ADGRG6: variants seen among roughly 807,000 people sequenced by gnomAD.
ADGRG6 encodes the protein adhesion G protein-coupled receptor G6, also known as G-protein coupled receptor 126.
In ADGRG6, 84 loss-of-function variants were observed where a neutral mutation model predicts 142.4. That is an observed-to-expected ratio of 0.59 (90% CI 0.49 to 0.71). The LOEUF is 0.71. Among genes scored for constraint, ADGRG6 ranks in the 30% least tolerant of loss-of-function variants. ADGRG6 has a pLI of 0.00. For missense variants in ADGRG6, 1,367 were observed against 1,466.6 expected, an observed-to-expected ratio of 0.93 and a Z score of 1.11; for synonymous variants, 521 against 520.5, an observed-to-expected ratio of 1.00 and a Z score of -0.01.
chr6:142,423,781 A>G (rs1582671155), intron 22 of ADGRG6, among the ~76,000 whole-genome samples: 2 of 139,516 alleles, frequency 1.4e-5, no homozygotes, highest in Admixed American at 1.5e-4. Context: ...TTTTCACGAT[A>G]TTGATTCTTC....
rs1777891823 is a variant in ADGRG6, at chr6:142,444,458, A to G, written c.*943A>G. On this transcript the variant is annotated 3_prime_UTR_variant, in exon 25 of 25. Coordinates refer to ENST00000367609, the MANE Select transcript of ADGRG6 (RefSeq NM_198569.3). ...GTTCTGTCCTTGCTTTGGAGACTTT[A>G]AGACATTTCCTAAAGCACAAATAAA... The G allele has an allele frequency of 6.6e-6, 1 of 152,240 alleles. No individual in the cohort carries two copies. Among genetic ancestry groups the G allele is most frequent in the African/African-American group, 2.4e-5 (1 of 41,460 alleles). 9.4% of individuals were successfully genotyped at this position (152,240 alleles called of 1,614,324 possible). A position where few individuals can be genotyped will look rare whatever the true frequency, so the allele number is the denominator to read the frequency against.
chr6:142,432,392 G>T (rs936060378), intron 22 of ADGRG6, among the ~76,000 whole-genome samples: 5 of 152,042 alleles, frequency 3.3e-5, no homozygotes, highest in African/African-American at 4.8e-5. Flanking sequence ...ATTTAAAATA[G>T]AAATGAATCT....
At chr6:142,404,308 C>A in intron 14 of ADGRG6, 2 of 261,034 alleles carry the variant, frequency 7.7e-6, no homozygotes, top group South Asian at 9.2e-5. Context: ...AAGCATGGTG[C>A]ATTCTCTTTG....
intron 4 of ADGRG6, among the ~76,000 whole-genome samples, chr6:142,373,889 T>C (rs1029418014): frequency 2.8e-5 from 4 of 141,620 alleles, no homozygotes; most frequent in African/African-American, 8.0e-5. Flanking sequence ...TTCTTTTTTT[T>C]TTTTTTTTTT....
chr6:142,400,773 G>A lies in ADGRG6; in HGVS notation c.1679+177G>A, dbSNP rs1170624286. The A allele has an allele frequency of 5.7e-6, 3 of 527,188 alleles. No individual in the cohort carries two copies. The Admixed American group carries it at 9.5e-5, about 17-fold the overall frequency. The allele number at this position is 527,188 out of a possible 1,614,324, so 32.7% of individuals were successfully genotyped here. A position where few individuals can be genotyped will look rare whatever the true frequency, so the allele number is the denominator to read the frequency against. ...AAAGATAACATAAGTGGATGACTCA[G>A]AAAGGCAGTGTTTTCCTCCCAGCCA... On this transcript the variant is annotated intron_variant, in intron 11 of 24. Coordinates refer to ENST00000367609, the MANE Select transcript of ADGRG6 (RefSeq NM_198569.3).
At chr6:142,395,092 A>G (rs899966483) in intron 9 of ADGRG6, among the ~76,000 whole-genome samples, 7 of 152,224 alleles carry the variant, frequency 4.6e-5, no homozygotes, top group Middle Eastern at 6.8e-3. Flanking sequence ...TCTTTTCAAC[A>G]CTAGAAAAAC....
intron 2 of ADGRG6, among the ~76,000 whole-genome samples, chr6:142,312,042 C>G (rs1310706107): frequency 1.3e-5 from 2 of 151,982 alleles, no homozygotes; most frequent in Admixed American, 1.3e-4. Context: ...ATTATTACCA[C>G]CTCATGTAAT....
chr6:142,409,458 G>C (rs543390541), intron 16 of ADGRG6, among the ~76,000 whole-genome samples: 1 of 152,156 alleles, frequency 6.6e-6, no homozygotes, highest in African/African-American at 2.4e-5. Context: ...TGTGAATAAT[G>C]CTACTGTGAG....
At chr6:142,358,573 G>A (rs933740827) in intron 2 of ADGRG6, among the ~76,000 whole-genome samples, 2 of 152,194 alleles carry the variant, frequency 1.3e-5, no homozygotes, top group African/African-American at 2.4e-5. Flanking sequence ...TTGTTCACTG[G>A]TAGTTTTGTA....
At chr6:142,372,392 T>C (rs1781300269) in intron 4 of ADGRG6, among the ~76,000 whole-genome samples, 1 of 152,174 alleles carries the variant, frequency 6.6e-6, no homozygotes, top group Non-Finnish European at 1.5e-5. Context: ...GGGAATTTAT[T>C]CCCACGCTTT....
intron 22 of ADGRG6, among the ~76,000 whole-genome samples, chr6:142,430,476 C>G (rs1777155377): frequency 6.6e-6 from 1 of 152,050 alleles, no homozygotes; most frequent in South Asian, 2.1e-4. Flanking sequence ...TTTTGATAAC[C>G]AGAAAGATAT....
rs756405743 is a variant in ADGRG6 at position 142,415,923 on chromosome 6, G to A, written c.2797G>A (p.Val933Ile). The change falls in exon 20 of 25, where the codon GTT becomes ATT. Residue 933 changes from valine (V) to isoleucine (I), a missense_variant. Around this residue, in one of 3 missense-constraint regions of ADGRG6, gnomAD observed 286 missense variants for 371.4 expected, o/e 0.77. Transcript: ENST00000367609. ...CAATGTGGATGGACTTTGCATTGCT[G>A]TTGCAGTCCTGTTGCATTTCTTCCT... ...SFNVDGLCIA[V>I]AVLLHFFLLA... 6.2e-6 allele frequency: 10 copies of A among 1,613,572 alleles called. No homozygotes were observed. Among genetic ancestry groups the A allele is most frequent in the South Asian group, 1.1e-5 (1 of 91,082 alleles).
chr6:142,386,857 C>CA (rs1048400163), intron 6 of ADGRG6, among the ~76,000 whole-genome samples: 1 of 152,124 alleles, frequency 6.6e-6, no homozygotes, highest in Admixed American at 6.5e-5. Flanking sequence ...CACACACCCA[C>CA]ACCCACTCAC....
intron 8 of ADGRG6, 147 bp from the exon 9 acceptor site, chr6:142,393,747 TTC>T (rs1267420790): frequency 5.1e-6 from 3 of 582,854 alleles, no homozygotes; most frequent in Non-Finnish European, 9.3e-6. Flanking sequence ...TTGCCTAGCT[TTC>T]TGAAAGAAGC....
At chr6:142,434,101 A>T (rs578148242) in intron 22 of ADGRG6, among the ~76,000 whole-genome samples, 3 of 152,190 alleles carry the variant, frequency 2.0e-5, no homozygotes, top group African/African-American at 7.2e-5. Context: ...CATTTCAAAG[A>T]AATAGATCAT....
At chr6:142,382,481 G>C (rs546349792) in intron 5 of ADGRG6, among the ~76,000 whole-genome samples, 4 of 152,226 alleles carry the variant, frequency 2.6e-5, no homozygotes, top group African/African-American at 4.8e-5. Context: ...TAAATTTTAA[G>C]ATTAAAATGG....
intron 10 of ADGRG6, among the ~76,000 whole-genome samples, chr6:142,399,759 A>G (rs1308629987): frequency 1.3e-5 from 2 of 152,248 alleles, no homozygotes; most frequent in African/African-American, 2.4e-5. Context: ...TGGTGATGAC[A>G]GTACTTGTTC....
intron 2 of ADGRG6, among the ~76,000 whole-genome samples, chr6:142,316,937 T>A (rs1778105128): frequency 6.6e-6 from 1 of 152,118 alleles, no homozygotes; most frequent in Admixed American, 6.6e-5. Context: ...CAGAGGTCAA[T>A]ATTAGTGTTT....
In ADGRG6 at chr6:142,330,011, A is replaced by G. The variant is rs79638507; in HGVS notation, c.103+20367A>G. Among the ~76,000 whole-genome samples the G allele has an allele frequency of 7.6e-3, 1,161 of 152,204 alleles. 15 individuals carry two copies. The highest frequency in any genetic ancestry group is 0.026 in the African/African-American group (1,086 of 41,536). ...TTTTAGTCTCTACTAGGCTCTGGCA[A>G]GGAAAACAACATATTCTGCTGGAAG... On this transcript the variant is annotated intron_variant, in intron 2 of 24. Coordinates refer to ENST00000367609, the MANE Select transcript of ADGRG6 (RefSeq NM_198569.3).
Sources: allele counts gnomAD v4.1 joint callset (sites outside exome capture counted in the v4.1 genomes callset), GRCh38; gene constraint gnomAD v4.1.1; regional missense constraint gnomAD v4.1.1; transcripts MANE v1.5; gene names NCBI Gene and HGNC (gene_info 2026-07-23, HGNC 2026-07-21).